Variants in CELF2 observed in about 807,000 individuals in gnomAD.
CELF2 encodes CUGBP Elav-like family member 2, also known as CUG triplet repeat RNA-binding protein 2.
A neutral mutation model predicts 62.6 loss-of-function variants in CELF2; 8 were observed. The observed-to-expected ratio is 0.13, with a 90% CI of 0.07 to 0.23. The LOEUF is 0.23. Ranked by LOEUF, CELF2 falls within the 10% of genes least tolerant of loss-of-function variation. The pLI, the probability that CELF2 is intolerant of heterozygous loss-of-function variation, is 1.00. For synonymous variants in CELF2, 258 were observed against 250.0 expected (o/e 1.03, Z -0.30); for missense variants, 333 against 671.0 (o/e 0.50, Z 5.56).
intron 1 of CELF2, among the ~76,000 whole-genome samples, chr10:11,153,772 C>T (rs1168067124): frequency 1.1e-4 from 17 of 152,112 alleles, no homozygotes; most frequent in Non-Finnish European, 2.4e-4. Flanking sequence ...TTGATCAGTC[C>T]CTAAACTGGC....
the CELF2 span, among the ~76,000 whole-genome samples, chr10:10,758,536 C>T: frequency 6.6e-6 from 1 of 152,028 alleles, no homozygotes; most frequent in Non-Finnish European, 1.5e-5. Context: ...CCATGGATCA[C>T]ATTGGTGTCC....
Position 11,200,624 on chromosome 10 carries a change from A to G in CELF2, c.272-16801A>G, listed in dbSNP as rs143697809. On this transcript the variant is annotated intron_variant, in intron 2 of 12. Transcript: ENST00000633077. Reference sequence around the variant, plus strand: ...CAGGGTCTCCCTCTTTTCCTTGCCCAGTGGGCACAGATCTCTGCAAGACAT... The same window carrying G: ...CAGGGTCTCCCTCTTTTCCTTGCCCGGTGGGCACAGATCTCTGCAAGACAT... Among the ~76,000 whole-genome samples, 614 of 152,318 alleles carry G rather than the reference A, an allele frequency of 4.0e-3. 6 individuals are homozygous for G. Among genetic ancestry groups the G allele is most frequent in the African/African-American group, 0.014 (583 of 41,574 alleles).
In CELF2 at chr10:10,908,270, A is replaced by G. The variant is rs2063516160; in HGVS notation, c.54-11694A>G. On this transcript the variant is annotated intron_variant, in intron 1 of 13. Coordinates refer to the CELF2 transcript ENST00000636488. The stretch of plus-strand genomic sequence containing the variant: ...AGTCTTGCTCTGTCGCCGAGGCTGG[A>G]GTGCAGTGGCACAATCTTGGCTCAC... Among the ~76,000 whole-genome samples the G allele has an allele frequency of 3.4e-5, 4 of 116,068 alleles. No individual in the cohort carries two copies. In the South Asian group the frequency reaches 1.2e-3, roughly 36 times the overall value. 76.1% of individuals were successfully genotyped at this position (116,068 alleles called of 152,430 possible). A position where few individuals can be genotyped will look rare whatever the true frequency, so the allele number is the denominator to read the frequency against.
chr10:10,768,137 T>A, the CELF2 span, among the ~76,000 whole-genome samples: 1 of 137,922 alleles, frequency 7.3e-6, no homozygotes, highest in Admixed American at 7.6e-5. Context: ...CTGCACTCCA[T>A]CCTGGGCAAC....
rs1203449770 is a variant in CELF2 at position 11,053,560 on chromosome 10, ATT to A, written c.74+35402_74+35403del. ...GTTATTCTTGTTCCAAGAAACACAC[ATT>A]TTTTAAAAAAAAAGACTATTTGGGC... On this transcript the variant is annotated intron_variant, in intron 1 of 12. Coordinates refer to ENST00000633077, the MANE Select transcript of CELF2 (RefSeq NM_001326342.2). 3.4e-3 allele frequency among the ~76,000 whole-genome samples: 493 copies of A among 144,750 alleles called. 1 individual carries two copies. The highest frequency in any genetic ancestry group is 9.3e-3 in the African/African-American group (363 of 39,204). 95.0% of individuals were successfully genotyped at this position (144,750 alleles called of 152,430 possible). A position where few individuals can be genotyped will look rare whatever the true frequency, so the allele number is the denominator to read the frequency against.
At chr10:11,009,588 G>A (rs2056061022) in intron 1 of CELF2, among the ~76,000 whole-genome samples, 1 of 152,222 alleles carries the variant, frequency 6.6e-6, no homozygotes, top group East Asian at 1.9e-4. Context: ...ACAGGAAATG[G>A]CATCTGTGGA....
rs1257360445 is a variant in CELF2 at position 11,165,034 on chromosome 10, G to T, written c.75-452G>T. ...CTCTCTTCCAAAAACCTCCCAAAAA[G>T]GGCGGTGGGGCGGGGGGCGGGGCAG... On this transcript the variant is annotated intron_variant, in intron 1 of 12. Coordinates refer to ENST00000633077, the MANE Select transcript of CELF2 (RefSeq NM_001326342.2). This position sits in a 1 kb window ranked among gnomAD's most constrained non-coding sequence, Gnocchi z 7.4. 1.6e-6 allele frequency: 1 copy of T among 611,976 alleles called. No individual in the cohort carries two copies. The highest frequency in any genetic ancestry group is 2.0e-6 in the Non-Finnish European group (1 of 492,920). The allele number at this position is 611,976 out of a possible 1,614,324, so 37.9% of individuals were successfully genotyped here.
chr10:10,803,940 A>G (rs1186918128), intron 1 of CELF2, among the ~76,000 whole-genome samples: 2 of 152,166 alleles, frequency 1.3e-5, no homozygotes, highest in African/African-American at 4.8e-5. Flanking sequence ...AGTATTTAGC[A>G]CTGTGATATT....
chr10:10,559,491 A>T, the CELF2 span, among the ~76,000 whole-genome samples: 1 of 152,186 alleles, frequency 6.6e-6, no homozygotes, highest in Non-Finnish European at 1.5e-5. Flanking sequence ...AACACCACCA[A>T]AGGTTTTGTT....
At chr10:10,586,188 A>G in the CELF2 span, among the ~76,000 whole-genome samples, 1 of 152,186 alleles carries the variant, frequency 6.6e-6, no homozygotes, top group East Asian at 1.9e-4. Context: ...CTTGCTTTAC[A>G]CTTATTCCCT....
At chr10:10,982,254 C>G (rs1033846636) in intron 2 of CELF2, among the ~76,000 whole-genome samples, 2 of 151,946 alleles carry the variant, frequency 1.3e-5, no homozygotes. Context: ...CATGCTCAGC[C>G]GACCCTCTCT....
At chr10:10,510,479 A>C in the CELF2 span, among the ~76,000 whole-genome samples, 3 of 152,224 alleles carry the variant, frequency 2.0e-5, no homozygotes, top group Admixed American at 2.0e-4. Flanking sequence ...GTTTATCTTC[A>C]TCTTGCCAAA....
At chr10:10,557,442 C>T in the CELF2 span, among the ~76,000 whole-genome samples, 134,660 of 137,492 alleles carry the variant, frequency 0.98, 65,986 homozygotes, top group East Asian at 1. Context: ...TGTAGCCTTG[C>T]AGTAAAGTTT....
chr10:10,733,876 G>A, the CELF2 span, among the ~76,000 whole-genome samples: 1 of 152,154 alleles, frequency 6.6e-6, no homozygotes, highest in African/African-American at 2.4e-5. Flanking sequence ...AGGACAAACT[G>A]TGTCAGGGCC....
intron 1 of CELF2, among the ~76,000 whole-genome samples, chr10:10,849,343 G>A (rs2059229829): frequency 6.6e-6 from 1 of 152,070 alleles, no homozygotes; most frequent in Non-Finnish European, 1.5e-5. Flanking sequence ...GGAGGCAGAG[G>A]TTGCAGTGAG....
intron 2 of CELF2, chr10:10,924,074 A>G: frequency 6.6e-6 from 1 of 152,100 alleles, no homozygotes; most frequent in East Asian, 1.9e-4. Flanking sequence ...AAAGAGAGAA[A>G]ATTTTATTTT....
chr10:10,729,051 C>T, the CELF2 span, among the ~76,000 whole-genome samples: 66 of 151,826 alleles, frequency 4.3e-4, no homozygotes. Context: ...TAATTTGGCT[C>T]CATAAAAAGA....
In CELF2 at chr10:11,321,966, C is replaced by A. The variant is rs1165871366; in HGVS notation, c.1294+580C>A. ...ATATCCTCTCACTGCTCACCCCCTG[C>A]CATAATTAAGTTCTATAAACTATTA... On this transcript the variant is annotated intron_variant, in intron 11 of 12. Transcript: ENST00000633077. This position sits in a 1 kb window ranked among gnomAD's most constrained non-coding sequence, Gnocchi z 6.2. Among the ~76,000 whole-genome samples the A allele has an allele frequency of 1.3e-5, 2 of 152,208 alleles. No individual in the cohort carries two copies. Among genetic ancestry groups the A allele is most frequent in the Non-Finnish European group, 2.9e-5 (2 of 68,044 alleles).
intron 2 of CELF2, chr10:10,952,100 C>T (rs567729437): frequency 6.6e-6 from 1 of 152,364 alleles, no homozygotes; most frequent in East Asian, 1.9e-4. Flanking sequence ...TTGACTGAAG[C>T]CCCAGAGCTT....
Sources: gnomAD v4.1 joint callset for allele counts (sites outside exome capture counted in the v4.1 genomes callset) on GRCh38, gnomAD v4.1.1 for gene constraint, Gnocchi (gnomAD v3.1) non-coding constraint, MANE v1.5 for transcripts, NCBI Gene and HGNC (gene_info 2026-07-23, HGNC 2026-07-21) for gene names.